GPC6: variants seen among roughly 807,000 people sequenced by gnomAD.
The protein encoded by GPC6 is glypican 6.
In GPC6, 14 loss-of-function variants were observed where a neutral mutation model predicts 55.2. That is an observed-to-expected ratio of 0.25 (90% CI 0.17 to 0.40). GPC6 has a LOEUF of 0.40. GPC6 is among the 10% of genes least tolerant of loss of function. The pLI is 1.00. For missense variants in GPC6, 641 were observed against 708.5 expected, an observed-to-expected ratio of 0.90 and a Z score of 1.08; for synonymous variants, 278 against 259.6, an observed-to-expected ratio of 1.07 and a Z score of -0.68.
intron 6 of GPC6, 196 bp downstream of exon 6, chr13:94,306,319 A>G (rs1303694726): frequency 6.7e-5 from 46 of 681,902 alleles, no homozygotes; most frequent in South Asian, 6.4e-4. Flanking sequence ...TAAGAAATCT[A>G]TTAATCCATT....
At chr13:93,813,637 G>A (rs1886764733) in intron 2 of GPC6, among the ~76,000 whole-genome samples, 2 of 151,800 alleles carry the variant, frequency 1.3e-5, no homozygotes, top group South Asian at 4.2e-4. Context: ...GAGGAAAATG[G>A]GATGACCATG....
rs78735762 is a variant in GPC6, at chr13:93,977,609, A to T, written c.712-50120A>T. Among the ~76,000 whole-genome samples, 943 of 151,918 alleles carry T rather than the reference A, an allele frequency of 6.2e-3. 12 individuals carry two copies. Among genetic ancestry groups the T allele is most frequent in the African/African-American group, 0.022 (901 of 41,456 alleles). On this transcript the variant is annotated intron_variant, in intron 3 of 8. Coordinates refer to ENST00000377047, the MANE Select transcript of GPC6 (RefSeq NM_005708.5). Reference sequence around the variant, plus strand: ...ACTTGTTGGAGAGAGCCAATACATGATATTAGCAGATTTACTGTAAAAACC... The same window carrying T: ...ACTTGTTGGAGAGAGCCAATACATGTTATTAGCAGATTTACTGTAAAAACC...
intron 1 of GPC6, among the ~76,000 whole-genome samples, chr13:93,239,943 G>A (rs1594046955): frequency 6.6e-6 from 1 of 152,160 alleles, no homozygotes; most frequent in South Asian, 2.1e-4. Context: ...ATAGTTTTGG[G>A]AATCCCTCTT....
At chr13:93,830,869 AG>A (rs1372173268) in intron 3 of GPC6, 1 of 285,612 alleles carries the variant, frequency 3.5e-6, no homozygotes, top group Non-Finnish European at 6.6e-6. Context: ...ATTTCTGATC[AG>A]GGTTTTAAGG....
At chr13:93,509,450 G>A (rs1299224673) in intron 1 of GPC6, among the ~76,000 whole-genome samples, 2 of 152,122 alleles carry the variant, frequency 1.3e-5, no homozygotes, top group Non-Finnish European at 2.9e-5. Flanking sequence ...TCAAAGAAAG[G>A]GTACATCTTC....
chr13:93,551,868 A>G (rs1875176781), intron 2 of GPC6, among the ~76,000 whole-genome samples: 1 of 152,076 alleles, frequency 6.6e-6, no homozygotes, highest in Admixed American at 6.6e-5. Context: ...TTGTCTCACT[A>G]CCCCCAATAT....
chr13:93,659,984 G>C (rs761619008), intron 2 of GPC6, among the ~76,000 whole-genome samples: 2 of 152,036 alleles, frequency 1.3e-5, no homozygotes, highest in Admixed American at 1.3e-4. Flanking sequence ...GAGGCAGAGA[G>C]TTATCCTTTC....
rs1260829229 is a variant in GPC6 at position 94,027,806 on chromosome 13, G to A, written c.789G>A (p.Val263=). ...YCPYCRGLPT[V]RPCNNYCLNV... ...CATACTGTCGGGGGCTTCCCACTGT[G>A]AGGCCCTGCAACAACTACTGTCTCA... The change falls in exon 4 of 9, where the codon GTG becomes GTA. Residue 263 remains valine (V), a synonymous_variant. Coordinates refer to ENST00000377047, the MANE Select transcript of GPC6 (RefSeq NM_005708.5). 3 of 1,614,070 alleles carry A rather than the reference G, an allele frequency of 1.9e-6. No homozygotes were observed. The highest frequency in any genetic ancestry group is 3.3e-5 in the Admixed American group (2 of 60,012).
chr13:93,847,560 T>G (rs1167319938), intron 3 of GPC6, among the ~76,000 whole-genome samples: 1 of 152,112 alleles, frequency 6.6e-6, no homozygotes, highest in Non-Finnish European at 1.5e-5. Context: ...ATATAACTTT[T>G]TAAAAAATAT....
At chr13:93,237,965 ATAGCATTG>A (rs1385616572) in intron 1 of GPC6, among the ~76,000 whole-genome samples, 2 of 152,080 alleles carry the variant, frequency 1.3e-5, no homozygotes, top group Non-Finnish European at 2.9e-5. Flanking sequence ...TTGGGCTACT[ATAGCATTG>A]TAGTATAATT....
At chr13:94,319,599 T>C (rs1876713945) in intron 6 of GPC6, among the ~76,000 whole-genome samples, 1 of 152,232 alleles carries the variant, frequency 6.6e-6, no homozygotes, top group Admixed American at 6.5e-5. Context: ...TTTCCTTTAC[T>C]GAGAGTTTTA....
chr13:93,460,904 T>A (rs190252151), intron 1 of GPC6, among the ~76,000 whole-genome samples: 62 of 152,332 alleles, frequency 4.1e-4, no homozygotes, highest in African/African-American at 1.3e-3. Context: ...ATGTAATTAT[T>A]ACTGGTTTTA....
At position 93,751,852 on chromosome 13, in the gene GPC6, A is replaced by T. The variant is rs1280234729; in HGVS notation, c.320-78302A>T. ...GTGGAAGGATTTCTCTTCCTCCCCC[A>T]TTGGCCTACCACTTTTCTTTTCTCT... On this transcript the variant is annotated intron_variant, in intron 2 of 8. Transcript: ENST00000377047. Among the ~76,000 whole-genome samples, 5 of 152,062 alleles carry T rather than the reference A, an allele frequency of 3.3e-5. No homozygotes were observed. In the East Asian group the frequency reaches 9.7e-4, roughly 29 times the overall value.
chr13:93,368,263 C>A (rs1338137421), intron 1 of GPC6, among the ~76,000 whole-genome samples: 1 of 150,790 alleles, frequency 6.6e-6, no homozygotes, highest in East Asian at 2.0e-4. Context: ...CCTTTGCCTC[C>A]CTTTCCTCCC....
At chr13:93,811,676 C>A (rs1308731058) in intron 2 of GPC6, among the ~76,000 whole-genome samples, 1 of 151,898 alleles carries the variant, frequency 6.6e-6, no homozygotes, top group Admixed American at 6.6e-5. Context: ...TTTGTTAGAG[C>A]CTCTTTGCCA....
At position 93,940,411 on chromosome 13, in the gene GPC6, T is replaced by C. The variant is rs1878675487; in HGVS notation, c.712-87318T>C. On this transcript the variant is annotated intron_variant, in intron 3 of 8. Coordinates refer to ENST00000377047, the MANE Select transcript of GPC6 (RefSeq NM_005708.5). Reference sequence around the variant, plus strand: ...ATGGACGGTTGGATGAATGGATGGATGAATGGATGGATGGATGGATGGATG... The same window carrying C: ...ATGGACGGTTGGATGAATGGATGGACGAATGGATGGATGGATGGATGGATG... 2.8e-5 allele frequency among the ~76,000 whole-genome samples: 4 copies of C among 143,988 alleles called. No individual in the cohort carries two copies. The South Asian group carries it at 8.8e-4, about 32-fold the overall frequency. 94.5% of individuals were successfully genotyped at this position (143,988 alleles called of 152,430 possible). A position where few individuals can be genotyped will look rare whatever the true frequency, so the allele number is the denominator to read the frequency against.
intron 6 of GPC6, among the ~76,000 whole-genome samples, chr13:94,320,902 A>C (rs1359443773): frequency 6.6e-6 from 1 of 152,170 alleles, no homozygotes; most frequent in East Asian, 1.9e-4. Context: ...ACCAACTCTG[A>C]GTTAAGATTG....
At chr13:93,515,204 G>A (rs561433451) in intron 1 of GPC6, among the ~76,000 whole-genome samples, 2 of 152,120 alleles carry the variant, frequency 1.3e-5, no homozygotes, top group South Asian at 4.1e-4. Flanking sequence ...TCAGGCGAAG[G>A]GTCCTCACTA....
chr13:93,789,608 T>C (rs1267859943), intron 2 of GPC6, among the ~76,000 whole-genome samples: 1 of 33,056 alleles, frequency 3.0e-5, no homozygotes, highest in Non-Finnish European at 5.1e-5. Flanking sequence ...CATATATATA[T>C]ATATATATAT....
Sources: gnomAD v4.1 joint callset for allele counts (sites outside exome capture counted in the v4.1 genomes callset) on GRCh38, gnomAD v4.1.1 for gene constraint, MANE v1.5 for transcripts, NCBI Gene and HGNC (gene_info 2026-07-23, HGNC 2026-07-21) for gene names.